Variants in DDX60L observed in about 807,000 individuals in gnomAD.
DDX60L encodes DExD/H-box 60 like, also known as probable ATP-dependent RNA helicase DDX60-like.
Under a neutral mutation model 211.6 loss-of-function variants are expected in DDX60L, and 191 were observed. The observed-to-expected ratio is 0.90, with a 90% CI of 0.80 to 1.02. The LOEUF is 1.02. Among genes scored for constraint, DDX60L ranks in the 50% least tolerant of loss-of-function variants. DDX60L has a pLI of 0.00. For missense variants in DDX60L, 2,007 were observed against 1,984.1 expected, an observed-to-expected ratio of 1.01 and a Z score of -0.22; for synonymous variants, 706 against 694.1, an observed-to-expected ratio of 1.02 and a Z score of -0.27.
intron 3 of DDX60L, 63 bp downstream of exon 3, chr4:168,472,392 G>C: frequency 8.1e-7 from 1 of 1,240,102 alleles, no homozygotes; most frequent in Non-Finnish European, 1.1e-6. Context: ...TGGGTTAAGA[G>C]GGATGTGGAA....
Position 168,449,637 on chromosome 4 carries a change from C to CA in DDX60L, c.997-859dup, listed in dbSNP as rs59043240. Among the ~76,000 whole-genome samples, 74 of 44,846 alleles carry CA rather than the reference C, an allele frequency of 1.7e-3. 1 individual carries two copies. Among genetic ancestry groups the CA allele is most frequent in the Admixed American group, 4.1e-3 (13 of 3,184 alleles). 29.4% of individuals were successfully genotyped at this position (44,846 alleles called of 152,430 possible). On this transcript the variant is annotated intron_variant, in intron 8 of 37. Coordinates refer to ENST00000682922, the MANE Select transcript of DDX60L (RefSeq NM_001012967.3). The stretch of plus-strand genomic sequence containing the variant: ...TAATAAAAAAAAAAAAACATTAAAA[C>CA]AAAAAAAAAAAATGCAAAAAAAAAA...
At position 168,375,511 on chromosome 4, in the gene DDX60L, T is replaced by C. The variant is rs1337894480; in HGVS notation, c.4499A>G (p.Glu1500Gly). 6.2e-7 allele frequency: 1 copy of C among 1,609,684 alleles called. No homozygotes were observed. The highest frequency in any genetic ancestry group is 1.7e-5 in the Admixed American group (1 of 59,166). The stretch of plus-strand genomic sequence containing the variant: ...AGCAGCTTTAAAATCCTCCGGGAGT[T>C]CGGCAAGGATCACCTATGGGCGAAA... ...SFSQSKVILAELPEDFKAALY... is the reference protein window; with the variant it reads ...SFSQSKVILAGLPEDFKAALY... The change falls in exon 34 of 38, where the codon GAA (glutamate) becomes GGA (glycine). Residue 1500 changes from glutamate to glycine, a missense_variant. By Grantham distance (98) the Glu-to-Gly change is moderately conservative (BLOSUM62 -2). Coordinates refer to ENST00000682922, the MANE Select transcript of DDX60L (RefSeq NM_001012967.3).
chr4:168,366,390 C>CAAT (rs1560922560), intron 36 of DDX60L, among the ~76,000 whole-genome samples: 1 of 151,800 alleles, frequency 6.6e-6, no homozygotes, highest in South Asian at 2.1e-4. Context: ...AATTCATTTA[C>CAAT]AATAGCTACA....
chr4:168,453,124 C>A lies in DDX60L; in HGVS notation c.996G>T (p.Met332Ile). The A allele has an allele frequency of 6.2e-7, 1 of 1,600,236 alleles. No individual in the cohort carries two copies. Among genetic ancestry groups the A allele is most frequent in the Non-Finnish European group, 8.5e-7 (1 of 1,174,280 alleles). ...WIRNSDSFLK[M>I]NKWCEYFILS... Reference sequence around the variant, plus strand: ...CAAAAAATAAACAAAATATGTTTACCATTTTTAAGAAAGAATCACTGTTCC... The same window carrying A: ...CAAAAAATAAACAAAATATGTTTACAATTTTTAAGAAAGAATCACTGTTCC... Residue 332 changes from methionine to isoleucine, a missense_variant and splice_region_variant, in exon 8 of 38, where the codon ATG (methionine) becomes ATT (isoleucine). Coordinates refer to ENST00000682922, the MANE Select transcript of DDX60L (RefSeq NM_001012967.3).
chr4:168,417,702 C>G (rs1349137922), intron 19 of DDX60L, among the ~76,000 whole-genome samples: 2 of 152,204 alleles, frequency 1.3e-5, no homozygotes, highest in South Asian at 2.1e-4. Flanking sequence ...AGCACAGTGT[C>G]TAGCACAGAG....
At chr4:168,366,728 C>T (rs1740062959) in intron 36 of DDX60L, among the ~76,000 whole-genome samples, 2 of 152,036 alleles carry the variant, frequency 1.3e-5, no homozygotes, top group Admixed American at 1.3e-4. Flanking sequence ...CTTCAACACA[C>T]TATATACTAC....
intron 10 of DDX60L, 35 bp from the exon 11 acceptor site, chr4:168,433,150 G>C: frequency 7.4e-7 from 1 of 1,351,774 alleles, no homozygotes; most frequent in Non-Finnish European, 1.0e-6. Context: ...TGAGAGGAAA[G>C]GTGTAACTAT....
At chr4:168,373,616 C>T (rs752053617) in intron 35 of DDX60L, 50 bp downstream of exon 35, 3 of 1,575,354 alleles carry the variant, frequency 1.9e-6, no homozygotes, top group South Asian at 1.2e-5. Flanking sequence ...AATGTAACCC[C>T]ACTCTGTCTG....
At position 168,457,993 on chromosome 4, in the gene DDX60L, G is replaced by A; in HGVS notation, c.622C>T (p.Gln208Ter). The A allele has an allele frequency of 6.5e-7, 1 of 1,546,280 alleles. No individual in the cohort carries two copies. Among genetic ancestry groups the A allele is most frequent in the African/African-American group, 1.4e-5 (1 of 73,570 alleles). Residue 208 changes from glutamine to a stop codon, truncating the protein, a stop_gained, in exon 6 of 38, where the codon CAG (glutamine) becomes TAG (stop). Transcript: ENST00000682922. LOFTEE classifies it high-confidence loss of function. ...TFSKENETVI[Q>*]SAYKSLIQHL... ...TGTATGAGGCTTTTATATGCACTCT[G>A]AATCACTGTTTCATTCTGTAAAAGG...
intron 28 of DDX60L, 149 bp downstream of exon 28, chr4:168,394,316 G>A: frequency 5.8e-6 from 3 of 513,608 alleles, no homozygotes; most frequent in Non-Finnish European, 1.0e-5. Flanking sequence ...TAATAAATGG[G>A]ATAGATGGAG....
chr4:168,420,473 C>T (rs767452043), intron 17 of DDX60L, 93 bp from the exon 18 acceptor site: 29 of 102,638 alleles, frequency 2.8e-4, no homozygotes, highest in South Asian at 5.9e-4. Context: ...TACACACACA[C>T]ACACACACAC....
intron 36 of DDX60L, among the ~76,000 whole-genome samples, chr4:168,364,191 T>C (rs1579160261): frequency 6.6e-6 from 1 of 151,910 alleles, no homozygotes; most frequent in East Asian, 1.9e-4. Flanking sequence ...AAGACAAGCA[T>C]AGAATGAAAG....
intron 13 of DDX60L, among the ~76,000 whole-genome samples, chr4:168,428,553 T>C (rs1751833134): frequency 2.0e-5 from 3 of 152,184 alleles, no homozygotes; most frequent in Non-Finnish European, 4.4e-5. Flanking sequence ...AATATTCCCT[T>C]TCCTACTCCA....
intron 26 of DDX60L, among the ~76,000 whole-genome samples, chr4:168,399,241 G>A (rs1252882853): frequency 2.7e-5 from 4 of 149,742 alleles, no homozygotes; most frequent in African/African-American, 9.8e-5. Flanking sequence ...GAGCTGGAGA[G>A]AAGAGAGAAG....
At position 168,384,649 on chromosome 4, in the gene DDX60L, G is replaced by A. The variant is rs1351386291; in HGVS notation, c.4079C>T (p.Ala1360Val). ...ITLVLRLMLL[A>V]SKGDDPEDAK... is the part of the protein sequence containing the mutation. ...ATCCTCTGGGTCATCTCCCTTGGAA[G>A]CCAGCAGCATGAGTCGCAGGACCAG... is the stretch of plus-strand genomic sequence containing the variant. Residue 1360 changes from alanine (A) to valine (V), a missense_variant, in exon 30 of 38, where the codon GCT (alanine) becomes GTT (valine). Coordinates refer to ENST00000682922, the MANE Select transcript of DDX60L (RefSeq NM_001012967.3). 6.2e-7 allele frequency: 1 copy of A among 1,614,030 alleles called. No homozygotes were observed. The highest frequency in any genetic ancestry group is 1.3e-5 in the African/African-American group (1 of 75,048).
At chr4:168,426,137 C>A (rs913142749) in intron 14 of DDX60L, among the ~76,000 whole-genome samples, 1 of 152,168 alleles carries the variant, frequency 6.6e-6, no homozygotes, top group African/African-American at 2.4e-5. Flanking sequence ...GCATCTATTC[C>A]CCCATAGCTA....
chr4:168,371,973 T>C (rs1741114803), intron 35 of DDX60L, among the ~76,000 whole-genome samples: 1 of 152,000 alleles, frequency 6.6e-6, no homozygotes, highest in South Asian at 2.1e-4. Context: ...CACTGGCCAC[T>C]GTGACACTAA....
intron 30 of DDX60L, 145 bp downstream of exon 30, chr4:168,384,466 GA>G: frequency 4.0e-6 from 4 of 1,005,678 alleles, no homozygotes; most frequent in Non-Finnish European, 5.9e-6. Flanking sequence ...CAGCCTAGAT[GA>G]CACAGCAAGA....
intron 10 of DDX60L, among the ~76,000 whole-genome samples, chr4:168,440,782 T>C (rs1302714985): frequency 6.6e-6 from 1 of 152,218 alleles, no homozygotes; most frequent in East Asian, 1.9e-4. Context: ...TTTTACCGCT[T>C]CTTCAACAAT....
Sources: allele counts gnomAD v4.1 joint callset (sites outside exome capture counted in the v4.1 genomes callset), GRCh38; gene constraint gnomAD v4.1.1; transcripts MANE v1.5; gene names NCBI Gene and HGNC (gene_info 2026-07-23, HGNC 2026-07-21).